The following ATP9B variants were observed in gnomAD, a reference collection of about 807,000 sequenced individuals.
ATP9B encodes ATPase phospholipid transporting 9B.
Under a neutral mutation model 146.1 loss-of-function variants are expected in ATP9B, and 110 were observed. The ratio of observed to expected loss-of-function variants is 0.75; its 90% CI spans 0.65 to 0.88. The LOEUF (loss-of-function observed/expected upper bound fraction) is 0.88. Among genes scored for constraint, ATP9B ranks in the 40% least tolerant of loss-of-function variants. The pLI is 0.00. For synonymous variants in ATP9B, 604 were observed against 569.7 expected (o/e 1.06, Z -0.86); for missense variants, 1,499 against 1,496.4 (o/e 1.00, Z -0.03).
At chr18:79,297,777 C>G (rs1286404900) in intron 13 of ATP9B, among the ~76,000 whole-genome samples, 2 of 110,104 alleles carry the variant, frequency 1.8e-5, no homozygotes, top group African/African-American at 6.9e-5. Context: ...CTTGATAAGA[C>G]TCTACACTGT....
intron 11 of ATP9B, among the ~76,000 whole-genome samples, chr18:79,226,610 C>T (rs958443835): frequency 2.0e-5 from 3 of 152,214 alleles, no homozygotes; most frequent in East Asian, 1.9e-4. Context: ...AGACTTCCCA[C>T]GCCCTGGAGG....
At chr18:79,087,299 A>G (rs2073929297) in intron 1 of ATP9B, 1 of 152,250 alleles carries the variant, frequency 6.6e-6, no homozygotes, top group Non-Finnish European at 1.5e-5. Context: ...ATTGAGGATT[A>G]AGCTTCCAAC....
In ATP9B at chr18:79,345,498, G is replaced by A. The variant is rs778148653; in HGVS notation, c.2543G>A (p.Arg848His). 41 of 1,613,246 alleles carry A rather than the reference G, an allele frequency of 2.5e-5. No individual in the cohort carries two copies. Among genetic ancestry groups the A allele is most frequent in the Admixed American group, 3.3e-5 (2 of 59,992 alleles). Residue 848 changes from arginine to histidine, a missense_variant, in exon 22 of 30, where the codon CGC becomes CAC. Physicochemically the swap from Arg to His is conservative, Grantham distance 29. Coordinates refer to ENST00000426216, the MANE Select transcript of ATP9B (RefSeq NM_198531.5). ...ACQCPAVVCC[R>H]CSPTQKARIV... ...CAGTGCCCTGCCGTGGTTTGCTGCCGCTGCTCACCCACCCAGAAGGCCCGC... is the reference window on the plus strand; with the variant it reads ...CAGTGCCCTGCCGTGGTTTGCTGCCACTGCTCACCCACCCAGAAGGCCCGC...
At chr18:79,178,039 A>G in intron 8 of ATP9B, among the ~76,000 whole-genome samples, 1 of 152,216 alleles carries the variant, frequency 6.6e-6, no homozygotes, top group East Asian at 1.9e-4. Context: ...GAGGTTGGGC[A>G]GTTGACAGCT....
intron 25 of ATP9B, chr18:79,354,610 C>G (rs942488540): frequency 3.8e-5 from 5 of 131,158 alleles, no homozygotes; most frequent in Admixed American, 1.5e-4. Context: ...AGCCCCACTT[C>G]CGGCCCAGCT....
At chr18:79,207,979 C>T (rs147140611) in intron 10 of ATP9B, among the ~76,000 whole-genome samples, 9,598 of 152,212 alleles carry the variant, frequency 0.063, 406 homozygotes, top group African/African-American at 0.11. Flanking sequence ...GGCGCGGGGG[C>T]TCACGCCTGG....
chr18:79,109,084 C>T (rs1245336231), intron 2 of ATP9B, among the ~76,000 whole-genome samples: 2 of 152,174 alleles, frequency 1.3e-5, no homozygotes, highest in Non-Finnish European at 2.9e-5. Flanking sequence ...TCATGCAAAA[C>T]TTTTTGTTAA....
At chr18:79,319,807 A>G (rs1466951780) in intron 15 of ATP9B, among the ~76,000 whole-genome samples, 1 of 152,222 alleles carries the variant, frequency 6.6e-6, no homozygotes, top group African/African-American at 2.4e-5. Flanking sequence ...TAAAGTCCTG[A>G]AGCAAATATT....
intron 19 of ATP9B, 40 bp downstream of exon 19, chr18:79,337,489 C>G: frequency 6.3e-7 from 1 of 1,586,192 alleles, no homozygotes; most frequent in African/African-American, 1.3e-5. Flanking sequence ...GCTGCTTTTG[C>G]TGAAGCAAAC....
At chr18:79,248,873 C>A (rs753429033) in intron 11 of ATP9B, among the ~76,000 whole-genome samples, 16 of 152,206 alleles carry the variant, frequency 1.1e-4, no homozygotes, top group Non-Finnish European at 1.8e-4. Context: ...AGGGTGACAT[C>A]ATCAGCAGTA....
At chr18:79,326,893 A>G (rs937385296) in intron 15 of ATP9B, among the ~76,000 whole-genome samples, 1 of 152,116 alleles carries the variant, frequency 6.6e-6, no homozygotes, top group Non-Finnish European at 1.5e-5. Flanking sequence ...CTGACTGTCC[A>G]CTGTGTGCCC....
At chr18:79,327,681 G>GCGTGCTCTCCGTGGTTAA (rs2096761955) in intron 15 of ATP9B, among the ~76,000 whole-genome samples, 1 of 144,294 alleles carries the variant, frequency 6.9e-6, no homozygotes, top group African/African-American at 2.6e-5. Context: ...TCCGTGGTTA[G>GCGTGCTCTCCGTGGTTAA]CGTGCTCTCC....
chr18:79,143,603 G>A (rs2094540794), intron 5 of ATP9B, among the ~76,000 whole-genome samples, 199 bp from the exon 6 acceptor site: 1 of 152,042 alleles, frequency 6.6e-6, no homozygotes, highest in South Asian at 2.1e-4. Context: ...GTTTTTATTG[G>A]GAGATAAAAA....
Position 79,342,257 on chromosome 18 carries a change from T to C in ATP9B, c.2284-11T>C. ...TCTTGTTGAAATTCACCAGTTTAAA[T>C]TGTTCCCTAGATATGGATGCTAACA... On this transcript the variant is annotated splice_polypyrimidine_tract_variant and intron_variant, in intron 19 of 29. Coordinates refer to ENST00000426216, the MANE Select transcript of ATP9B (RefSeq NM_198531.5). The C allele has an allele frequency of 1.2e-6, 2 of 1,601,402 alleles. No homozygotes were observed. Among genetic ancestry groups the C allele is most frequent in the Non-Finnish European group, 1.7e-6 (2 of 1,168,974 alleles).
At chr18:79,354,152 A>T (rs908194661) in intron 25 of ATP9B, 1 of 152,166 alleles carries the variant, frequency 6.6e-6, no homozygotes, top group African/African-American at 2.4e-5. Context: ...AGGTATCCGC[A>T]TGTTTCAAGG....
chr18:79,143,027 G>C (rs536808823), intron 5 of ATP9B, among the ~76,000 whole-genome samples: 4 of 152,280 alleles, frequency 2.6e-5, no homozygotes, highest in Admixed American at 6.5e-5. Context: ...TCTTAAAAGA[G>C]AGTGAGACAG....
At chr18:79,350,721 A>C (rs2096918046) in intron 25 of ATP9B, among the ~76,000 whole-genome samples, 1 of 152,100 alleles carries the variant, frequency 6.6e-6, no homozygotes, top group South Asian at 2.1e-4. Context: ...ACGCTTTTTA[A>C]ATAAGTTTTC....
At chr18:79,186,244 C>T (rs1391679408) in intron 8 of ATP9B, among the ~76,000 whole-genome samples, 1 of 151,990 alleles carries the variant, frequency 6.6e-6, no homozygotes, top group Non-Finnish European at 1.5e-5. Context: ...TGTAATGAAC[C>T]ACATGTTATG....
chr18:79,219,357 T>G, intron 11 of ATP9B, among the ~76,000 whole-genome samples: 1 of 151,624 alleles, frequency 6.6e-6, no homozygotes, highest in East Asian at 1.9e-4. Context: ...AGAAGTGGAC[T>G]GATTGTGCTG....
Sources: allele counts gnomAD v4.1 joint callset (sites outside exome capture counted in the v4.1 genomes callset), GRCh38; gene constraint gnomAD v4.1.1; transcripts MANE v1.5; gene names NCBI Gene and HGNC (gene_info 2026-07-23, HGNC 2026-07-21).